The following CDK1 variants were observed in gnomAD, a reference collection of about 807,000 sequenced individuals.
The protein encoded by CDK1 is cyclin-dependent kinase 1.
CDK1 carries 5 observed loss-of-function variants against 34.6 expected under a neutral mutation model. That is an observed-to-expected ratio of 0.14 (90% CI 0.08 to 0.30). The LOEUF (loss-of-function observed/expected upper bound fraction) is 0.30, where lower values mean the gene tolerates loss of function less well. CDK1 is among the 10% of genes least tolerant of loss of function. The pLI is 1.00. For synonymous variants in CDK1, 108 were observed against 114.7 expected, an observed-to-expected ratio of 0.94 and a Z score of 0.37; for missense variants, 157 against 345.7, an observed-to-expected ratio of 0.45 and a Z score of 4.33.
intron 3 of CDK1, 49 bp downstream of exon 3, chr10:60,784,910 A>G: frequency 6.5e-7 from 1 of 1,529,324 alleles, no homozygotes. Context: ...GCTATTTCAA[A>G]TATAAATTTC....
chr10:60,787,640 C>T (rs2080327601), intron 4 of CDK1: 1 of 151,722 alleles, frequency 6.6e-6, no homozygotes. Context: ...TTTGCCATCA[C>T]TTTTAGAATC....
At chr10:60,786,803 C>T (rs2080320276) in intron 4 of CDK1, 1 of 817,960 alleles carries the variant, frequency 1.2e-6, no homozygotes, top group Non-Finnish European at 1.5e-6. Flanking sequence ...CAATTTAACA[C>T]TTCATATTTA....
At chr10:60,792,114 T>C in intron 6 of CDK1, 34 bp from the exon 7 acceptor site, 1 of 1,598,508 alleles carries the variant, frequency 6.3e-7, no homozygotes, top group Non-Finnish European at 8.5e-7. Flanking sequence ...ATTACATTTA[T>C]GCTTTAAGAA....
At chr10:60,780,479 A>G (rs1474359448) in intron 2 of CDK1, among the ~76,000 whole-genome samples, 2 of 152,142 alleles carry the variant, frequency 1.3e-5, no homozygotes, top group Admixed American at 6.5e-5. Context: ...TTTTGAAGAC[A>G]CTATTGATAA....
chr10:60,779,879 G>C (rs1314868269), intron 1 of CDK1, among the ~76,000 whole-genome samples: 6 of 152,146 alleles, frequency 3.9e-5, no homozygotes. Context: ...ACCTGAATTT[G>C]AGGGTTATTT....
chr10:60,786,290 A>G, intron 4 of CDK1: 5 of 980,882 alleles, frequency 5.1e-6, no homozygotes, highest in Non-Finnish European at 6.1e-6. Context: ...TTTATTTGTA[A>G]TCTTACACTT....
intron 4 of CDK1, chr10:60,786,256 C>A: frequency 1.0e-6 from 1 of 977,726 alleles, no homozygotes; most frequent in Non-Finnish European, 1.2e-6. Context: ...TACCAAACCA[C>A]TCTGCAGAGG....
At chr10:60,784,029 A>G (rs1417832482) in intron 2 of CDK1, among the ~76,000 whole-genome samples, 1 of 152,200 alleles carries the variant, frequency 6.6e-6, no homozygotes, top group East Asian at 1.9e-4. Flanking sequence ...TATCAGTAAT[A>G]TTTCCTGAGC....
intron 7 of CDK1, among the ~76,000 whole-genome samples, chr10:60,792,602 C>A (rs1589115074): frequency 6.6e-6 from 1 of 151,860 alleles, no homozygotes; most frequent in East Asian, 1.9e-4. Flanking sequence ...ATTTTTGTCA[C>A]TATTGAGCCC....
chr10:60,784,299 C>T (rs2080297155), intron 2 of CDK1, among the ~76,000 whole-genome samples: 1 of 152,162 alleles, frequency 6.6e-6, no homozygotes, highest in East Asian at 1.9e-4. Context: ...CCAGACATTT[C>T]TATCATGTGA....
At chr10:60,787,964 T>C in intron 4 of CDK1, 96 bp from the exon 5 acceptor site, 1 of 664,344 alleles carries the variant, frequency 1.5e-6, no homozygotes, top group East Asian at 2.7e-5. Context: ...AGTAATTAAA[T>C]TATTTCTCTG....
chr10:60,782,487 A>G (rs1474842364), intron 2 of CDK1, among the ~76,000 whole-genome samples: 2 of 152,182 alleles, frequency 1.3e-5, no homozygotes, highest in African/African-American at 2.4e-5. Context: ...CTGTCTTAAG[A>G]AAATGTCTTT....
rs1410022795 is a variant in CDK1 at position 60,780,154 on chromosome 10, C to T, written c.-12C>T. On this transcript the variant is annotated 5_prime_UTR_variant, in exon 2 of 8. Transcript: ENST00000395284. Reference sequence around the variant, plus strand: ...CCTTCACTTTAGGATCTACCATACCCATTGACTAACTATGGAAGATTATAC... The same window carrying T: ...CCTTCACTTTAGGATCTACCATACCTATTGACTAACTATGGAAGATTATAC... 2 of 1,512,772 alleles carry T rather than the reference C, an allele frequency of 1.3e-6. No homozygotes were observed. The highest frequency in any genetic ancestry group is 1.7e-4 in the Middle Eastern group (1 of 5,846). The allele number at this position is 1,512,772 out of a possible 1,614,324, so 93.7% of individuals were successfully genotyped here.
intron 4 of CDK1, chr10:60,786,273 TGTTA>T (rs899839190): frequency 2.0e-6 from 2 of 980,296 alleles, no homozygotes; most frequent in African/African-American, 3.5e-5. Flanking sequence ...GAGGTAGCGC[TGTTA>T]GTTTTATTTG....
intron 5 of CDK1, among the ~76,000 whole-genome samples, chr10:60,791,014 C>G (rs187512571): frequency 5.9e-5 from 9 of 152,050 alleles, no homozygotes; most frequent in Admixed American, 5.9e-4. Context: ...TATTGTGGGT[C>G]TTTTTTGGTT....
At position 60,785,931 on chromosome 10, in the gene CDK1, G is replaced by A. The variant is rs1458227196; in HGVS notation, c.318+144G>A. 5.5e-6 allele frequency: 7 copies of A among 1,281,026 alleles called. No homozygotes were observed. In the African/African-American group the frequency reaches 7.6e-5, roughly 14 times the overall value. 79.4% of individuals were successfully genotyped at this position (1,281,026 alleles called of 1,614,324 possible). ...ATTTCATTTTTCTCCCTCATGGTTA[G>A]TTTATACAGGTTAGAGATACCCATG... On this transcript the variant is annotated intron_variant, in intron 4 of 7. Transcript: ENST00000395284.
intron 5 of CDK1, among the ~76,000 whole-genome samples, chr10:60,790,475 G>A (rs1411837042): frequency 6.6e-6 from 1 of 152,122 alleles, no homozygotes; most frequent in East Asian, 1.9e-4. Flanking sequence ...TCGAACTCCT[G>A]GGCTCATGCA....
chr10:60,792,502 A>T (rs919446660), intron 7 of CDK1, among the ~76,000 whole-genome samples: 3 of 151,926 alleles, frequency 2.0e-5, no homozygotes, highest in Admixed American at 6.6e-5. Context: ...TTTATCTGAC[A>T]GGTAGCTATG....
rs45540532 is a variant in CDK1, at chr10:60,791,939, G to A, written c.539G>A (p.Arg180His). 1.1e-4 allele frequency: 174 copies of A among 1,612,846 alleles called. No homozygotes were observed. The highest frequency in any genetic ancestry group is 1.7e-4 in the Middle Eastern group (1 of 6,044). Residue 180 changes from arginine (R) to histidine (H), a missense_variant, in exon 6 of 8, where the codon CGT becomes CAT. Transcript: ENST00000395284. The stretch of plus-strand genomic sequence containing the variant: ...CCAGAAGTATTGCTGGGGTCAGCTC[G>A]TTACTCAACTCCAGTTGACATTTGG... ...RSPEVLLGSA[R>H]YSTPVDIWSI...
Sources: gnomAD v4.1 joint callset for allele counts (sites outside exome capture counted in the v4.1 genomes callset) on GRCh38, gnomAD v4.1.1 for gene constraint, MANE v1.5 for transcripts, NCBI Gene and HGNC (gene_info 2026-07-23, HGNC 2026-07-21) for gene names.